PCDHGB4: variants seen among roughly 807,000 people sequenced by gnomAD.
The protein encoded by PCDHGB4 is protocadherin gamma-B4.
Under a neutral mutation model 60.5 loss-of-function variants are expected in PCDHGB4, and 38 were observed. That is an observed-to-expected ratio of 0.63 (90% CI 0.48 to 0.82). PCDHGB4 has a LOEUF of 0.82. Ranked by LOEUF, PCDHGB4 falls within the 40% of genes least tolerant of loss-of-function variation. PCDHGB4 has a pLI of 0.00. For synonymous variants in PCDHGB4, 456 were observed against 509.7 expected, an observed-to-expected ratio of 0.89 and a Z score of 1.42; for missense variants, 1,109 against 1,209.6, an observed-to-expected ratio of 0.92 and a Z score of 1.23.
intron 1 of PCDHGB4, chr5:141,400,327 G>A: frequency 6.2e-7 from 1 of 1,614,074 alleles, no homozygotes. Context: ...GTCTGGACCT[G>A]TGGTTCCCCC....
chr5:141,442,720 T>C (rs941034636), intron 1 of PCDHGB4, among the ~76,000 whole-genome samples: 1 of 152,202 alleles, frequency 6.6e-6, no homozygotes, highest in Non-Finnish European at 1.5e-5. Flanking sequence ...GCCAGAGCAT[T>C]TGGGGCCTGT....
intron 1 of PCDHGB4, chr5:141,393,540 C>G (rs760241344): frequency 6.2e-7 from 1 of 1,613,996 alleles, no homozygotes; most frequent in Admixed American, 1.7e-5. Context: ...CCCGGTTTTT[C>G]CTCACCCGAT....
chr5:141,437,512 G>A (rs1201910374), intron 1 of PCDHGB4, among the ~76,000 whole-genome samples: 2 of 152,144 alleles, frequency 1.3e-5, no homozygotes, highest in African/African-American at 2.4e-5. Flanking sequence ...TGAATTATAA[G>A]GCTGATGACA....
Position 141,489,765 on chromosome 5 carries a change from C to A in PCDHGB4, c.2398-5042C>A. On this transcript the variant is annotated intron_variant, in intron 1 of 3. Transcript: ENST00000519479. The surrounding 1 kb of genome is among the most constrained non-coding windows in gnomAD (Gnocchi z 4.5). ...TGAGCTTTTACACTCTAAGCCCCAA[C>A]AGCCACTTCTCTCTGAATGTGAAGA... 2.5e-6 allele frequency: 4 copies of A among 1,614,174 alleles called. No individual in the cohort carries two copies. The highest frequency in any genetic ancestry group is 3.4e-6 in the Non-Finnish European group (4 of 1,179,992).
chr5:141,407,497 G>GTTTTTTTTTTTTTTTTTTTTTTTTTT (rs1554102286), intron 1 of PCDHGB4, among the ~76,000 whole-genome samples: 1 of 152,086 alleles, frequency 6.6e-6, no homozygotes, highest in African/African-American at 2.4e-5. Context: ...CTTTATTTCT[G>GTTTTTTTTTTTTTTTTTTTTTTTTTT]TTTTTCTTAG....
chr5:141,407,123 C>T (rs1271155338), intron 1 of PCDHGB4, among the ~76,000 whole-genome samples: 2 of 152,078 alleles, frequency 1.3e-5, no homozygotes, highest in East Asian at 3.8e-4. Context: ...GTTTCAGTTG[C>T]TTTATTTTTA....
chr5:141,431,411 G>A lies in PCDHGB4; in HGVS notation c.2397+41130G>A. On this transcript the variant is annotated intron_variant, in intron 1 of 3. Coordinates refer to ENST00000519479, the MANE Select transcript of PCDHGB4 (RefSeq NM_003736.4). This position sits in a 1 kb window ranked among gnomAD's most constrained non-coding sequence, Gnocchi z 4.8. ...CCTGGTCCTTACGGCCTCCGACGGG[G>A]GCGACCCGGTGCGCACAGGCACCGC... 3 of 1,613,728 alleles carry A rather than the reference G, an allele frequency of 1.9e-6. No individual in the cohort carries two copies. The highest frequency in any genetic ancestry group is 2.5e-6 in the Non-Finnish European group (3 of 1,180,038).
At position 141,431,869 on chromosome 5, in the gene PCDHGB4, T is replaced by C. The variant is rs140856757; in HGVS notation, c.2397+41588T>C. ...GAGGGACATTAATTGCCCTTTTAAA[T>C]GTAAATGACCAAGATTCTGAGGAAA... is the stretch of plus-strand genomic sequence containing the variant. On this transcript the variant is annotated intron_variant, in intron 1 of 3. Transcript: ENST00000519479. The surrounding 1 kb of genome is among the most constrained non-coding windows in gnomAD (Gnocchi z 4.8). 8.5e-4 allele frequency: 1,376 copies of C among 1,614,252 alleles called. 2 individuals carry two copies. Among genetic ancestry groups the C allele is most frequent in the Non-Finnish European group, 1.1e-3 (1,291 of 1,180,028 alleles).
chr5:141,394,158 C>G lies in PCDHGB4; in HGVS notation c.2397+3877C>G, dbSNP rs777816337. 1.2e-5 allele frequency: 19 copies of G among 1,613,726 alleles called. No homozygotes were observed. The Admixed American group carries it at 2.0e-4, about 17-fold the overall frequency. On this transcript the variant is annotated intron_variant, in intron 1 of 3. Transcript: ENST00000519479. ...GCACGTGGCAGACATTAACGACAAC[C>G]CTCCTACTTTCCCTCATGCCTCCTA...
intron 1 of PCDHGB4, chr5:141,400,401 G>T (rs760681088): frequency 3.1e-6 from 5 of 1,613,936 alleles, no homozygotes; most frequent in Non-Finnish European, 4.2e-6. Context: ...CAGGAAAGAC[G>T]GAGTTTAATT....
Position 141,489,072 on chromosome 5 carries a change from AC to A in PCDHGB4, c.2398-5730del. The A allele has an allele frequency of 6.3e-6, 1 of 157,708 alleles. No individual in the cohort carries two copies. The highest frequency in any genetic ancestry group is 1.2e-5 in the Non-Finnish European group (1 of 83,994). The allele number at this position is 157,708 out of a possible 1,614,324, so 9.8% of individuals were successfully genotyped here. On this transcript the variant is annotated intron_variant, in intron 1 of 3. Coordinates refer to ENST00000519479, the MANE Select transcript of PCDHGB4 (RefSeq NM_003736.4). This position sits in a 1 kb window ranked among gnomAD's most constrained non-coding sequence, Gnocchi z 4.5. ...AATTCAGCTCCCCTCCCCCCTGCCC[AC>A]CCCCGCCACTCGGTGACTAAGAACT...
Position 141,421,726 on chromosome 5 carries a change from T to G in PCDHGB4, c.2397+31445T>G. On this transcript the variant is annotated intron_variant, in intron 1 of 3. Transcript: ENST00000519479. The stretch of plus-strand genomic sequence containing the variant: ...TAGGGATCCAGATGTGGGCGTGAAC[T>G]CCCTCCAGAGCTACCAGCTCAGCCC... 1 of 1,613,928 alleles carries G rather than the reference T, an allele frequency of 6.2e-7. No homozygotes were observed. Among genetic ancestry groups the G allele is most frequent in the Non-Finnish European group, 8.5e-7 (1 of 1,179,852 alleles).
At chr5:141,443,871 G>A (rs1395939418) in intron 1 of PCDHGB4, among the ~76,000 whole-genome samples, 1 of 152,112 alleles carries the variant, frequency 6.6e-6, no homozygotes, top group East Asian at 1.9e-4. Context: ...AAAAATTACT[G>A]ATAAGTCAAG....
At chr5:141,504,990 C>T (rs1056476591) in intron 2 of PCDHGB4, among the ~76,000 whole-genome samples, 3 of 151,976 alleles carry the variant, frequency 2.0e-5, no homozygotes, top group Non-Finnish European at 2.9e-5. Context: ...GGTGAAACCC[C>T]GTCTGTACTA....
chr5:141,403,237 C>T (rs1293614874), intron 1 of PCDHGB4: 1 of 1,613,824 alleles, frequency 6.2e-7, no homozygotes, highest in Non-Finnish European at 8.5e-7. Flanking sequence ...GGGAGGAGCT[C>T]TGTGCTCAGA....
intron 2 of PCDHGB4, among the ~76,000 whole-genome samples, chr5:141,501,821 G>A (rs910825533): frequency 1.3e-5 from 2 of 152,028 alleles, no homozygotes; most frequent in Non-Finnish European, 2.9e-5. Context: ...ATAATTGGCA[G>A]CCCACCCACC....
rs1398944326 is a variant in PCDHGB4, at chr5:141,389,896, C to T, written c.2012C>T (p.Pro671Leu). 1 of 1,614,076 alleles carries T rather than the reference C, an allele frequency of 6.2e-7. No individual in the cohort carries two copies. The highest frequency in any genetic ancestry group is 8.5e-7 in the Non-Finnish European group (1 of 1,179,916). ...VFADSLQEVLPDITDRPDPSD... is the reference protein window; with the variant it reads ...VFADSLQEVLLDITDRPDPSD... ...GCCGACAGCTTGCAGGAGGTGCTGC[C>T]GGATATCACTGACCGCCCCGACCCC... Residue 671 changes from proline (P) to leucine (L), a missense_variant, in exon 1 of 4, where the codon CCG becomes CTG. Physicochemically the swap from Pro to Leu is moderately conservative, Grantham distance 98. This residue lies in a region of PCDHGB4 where 1,068 missense variants were observed against 1,089.9 expected (regional missense o/e 0.98). Coordinates refer to ENST00000519479, the MANE Select transcript of PCDHGB4 (RefSeq NM_003736.4).
chr5:141,395,528 A>T, intron 1 of PCDHGB4: 1 of 368,434 alleles, frequency 2.7e-6, no homozygotes, highest in Non-Finnish European at 4.9e-6. Flanking sequence ...CCATACTGGT[A>T]ATTTTGCTAT....
rs1340986620 is a variant in PCDHGB4 at position 141,389,166 on chromosome 5, C to G, written c.1282C>G (p.Pro428Ala). ...ITVTATDRGK[P>A]PLSSSSSITL... ...CGTTACGGCAACAGATCGGGGCAAG[C>G]CTCCCCTCTCCTCCAGTTCCAGCAT... Residue 428 changes from proline (P) to alanine (A), a missense_variant, in exon 1 of 4, where the codon CCT (proline) becomes GCT (alanine). Around this residue, in one of 2 missense-constraint regions of PCDHGB4, gnomAD observed 1,068 missense variants for 1,089.9 expected, o/e 0.98. Coordinates refer to ENST00000519479, the MANE Select transcript of PCDHGB4 (RefSeq NM_003736.4). The G allele has an allele frequency of 6.2e-7, 1 of 1,613,988 alleles. No individual in the cohort carries two copies. The highest frequency in any genetic ancestry group is 8.5e-7 in the Non-Finnish European group (1 of 1,179,872).
Sources: gnomAD v4.1 joint callset for allele counts (sites outside exome capture counted in the v4.1 genomes callset) on GRCh38, gnomAD v4.1.1 for gene constraint, gnomAD v4.1.1 regional missense constraint, Gnocchi (gnomAD v3.1) non-coding constraint, MANE v1.5 for transcripts, NCBI Gene and HGNC (gene_info 2026-07-23, HGNC 2026-07-21) for gene names.